Variants in GALK2 observed in about 807,000 individuals in gnomAD.
GALK2 encodes the protein N-acetylgalactosamine kinase.
Under a neutral mutation model 52.4 loss-of-function variants are expected in GALK2, and 36 were observed. The ratio of observed to expected loss-of-function variants is 0.69; its 90% CI spans 0.53 to 0.91. The LOEUF (loss-of-function observed/expected upper bound fraction) is 0.91. Ranked by LOEUF, GALK2 falls within the 40% of genes least tolerant of loss-of-function variation. The probability of loss-of-function intolerance (pLI) is 0.00; values close to 1 mark genes in which losing one functional copy is unlikely to be tolerated. For synonymous variants in GALK2, 176 were observed against 199.1 expected (o/e 0.88, Z 0.98); for missense variants, 579 against 559.1 (o/e 1.04, Z -0.36).
At chr15:49,161,764 T>G (rs1438549105) in intron 1 of GALK2, 2 of 188,578 alleles carry the variant, frequency 1.1e-5, no homozygotes, top group South Asian at 1.2e-4. Context: ...TGTTGCCCAG[T>G]CTAGAGTGCA....
chr15:49,360,500 T>C, intron 3 of GALK2, among the ~76,000 whole-genome samples: 1 of 152,216 alleles, frequency 6.6e-6, no homozygotes, highest in Admixed American at 6.5e-5. Context: ...AAAAAAATTA[T>C]TAAATTTTTG....
Position 49,329,265 on chromosome 15 carries a change from T to A in GALK2, c.*1106T>A, listed in dbSNP as rs986661907. ...TATATCAAGAGTGGGCAGAAATGTTTGGCTGGTGATGGCAAATGACTGGCT... is the reference window on the plus strand; with the variant it reads ...TATATCAAGAGTGGGCAGAAATGTTAGGCTGGTGATGGCAAATGACTGGCT... On this transcript the variant is annotated 3_prime_UTR_variant, in exon 10 of 10. Transcript: ENST00000560031. The A allele has an allele frequency of 3.0e-6, 3 of 985,500 alleles. No individual in the cohort carries two copies. Among genetic ancestry groups the A allele is most frequent in the Admixed American group, 6.1e-5 (1 of 16,280 alleles). The allele number at this position is 985,500 out of a possible 1,614,324, so 61.0% of individuals were successfully genotyped here. A position where few individuals can be genotyped will look rare whatever the true frequency, so the allele number is the denominator to read the frequency against.
intron 3 of GALK2, chr15:49,353,693 C>A (rs1226436084): frequency 6.6e-6 from 1 of 151,286 alleles, no homozygotes; most frequent in Non-Finnish European, 1.5e-5. Flanking sequence ...TCACTTCGCC[C>A]AGAGTATTTT....
chr15:49,303,779 G>T (rs1312144606), intron 8 of GALK2, among the ~76,000 whole-genome samples: 1 of 152,088 alleles, frequency 6.6e-6, no homozygotes, highest in Non-Finnish European at 1.5e-5. Flanking sequence ...CATCTCCTCA[G>T]CCCCAGCTGC....
At chr15:49,207,210 T>C (rs1457512900) in intron 2 of GALK2, among the ~76,000 whole-genome samples, 1 of 152,228 alleles carries the variant, frequency 6.6e-6, no homozygotes, top group East Asian at 1.9e-4. Context: ...GTAGATTAAC[T>C]TTTTGATATA....
intron 3 of GALK2, among the ~76,000 whole-genome samples, chr15:49,219,275 A>T (rs1175026846): frequency 6.6e-6 from 1 of 152,176 alleles, no homozygotes; most frequent in East Asian, 1.9e-4. Flanking sequence ...TCTTGTGATA[A>T]TGAATAAGTC....
chr15:49,203,572 TTA>T (rs1273733504), intron 2 of GALK2, among the ~76,000 whole-genome samples: 2 of 152,212 alleles, frequency 1.3e-5, no homozygotes, highest in Non-Finnish European at 2.9e-5. Context: ...GCCTGTGCTT[TTA>T]TAGTCTTATT....
At chr15:49,296,246 A>G (rs2034467729) in intron 8 of GALK2, among the ~76,000 whole-genome samples, 1 of 152,160 alleles carries the variant, frequency 6.6e-6, no homozygotes, top group African/African-American at 2.4e-5. Flanking sequence ...TAGTATCCAA[A>G]GGGTAGTGTT....
intron 5 of GALK2, among the ~76,000 whole-genome samples, chr15:49,259,410 G>A (rs1354444781): frequency 2.0e-4 from 26 of 130,052 alleles, no homozygotes; most frequent in African/African-American, 7.3e-4. Flanking sequence ...TCATTGTTCA[G>A]TTCCCACCTA....
chr15:49,173,678 T>C (rs1595877481), intron 1 of GALK2, among the ~76,000 whole-genome samples: 1 of 152,190 alleles, frequency 6.6e-6, no homozygotes, highest in Admixed American at 6.5e-5. Context: ...TTTTACTTAC[T>C]TTTTTTCACT....
At chr15:49,362,083 T>G (rs2044338539) in intron 3 of GALK2, among the ~76,000 whole-genome samples, 1 of 152,116 alleles carries the variant, frequency 6.6e-6, no homozygotes, top group South Asian at 2.1e-4. Context: ...GCCCACTTCT[T>G]AATGGGTTTG....
chr15:49,296,843 C>A (rs2034526683), intron 8 of GALK2, among the ~76,000 whole-genome samples: 1 of 152,208 alleles, frequency 6.6e-6, no homozygotes, highest in Non-Finnish European at 1.5e-5. Context: ...TCGTGATTCA[C>A]CCGCCTTGGC....
chr15:49,262,984 T>G (rs2092196444), intron 5 of GALK2, among the ~76,000 whole-genome samples: 1 of 145,390 alleles, frequency 6.9e-6, no homozygotes, highest in Non-Finnish European at 1.5e-5. Flanking sequence ...GAGCTTTACT[T>G]CCAAGTATGT....
intron 1 of GALK2, chr15:49,177,751 A>T: frequency 1.2e-6 from 1 of 801,634 alleles, no homozygotes; most frequent in Non-Finnish European, 1.8e-6. Context: ...TTGCTTGTGG[A>T]CTGGTTTGGT....
intron 2 of GALK2, among the ~76,000 whole-genome samples, chr15:49,206,625 C>T (rs190308220): frequency 1.3e-3 from 197 of 151,720 alleles, no homozygotes; most frequent in African/African-American, 4.3e-3. Context: ...GGGTTGAGTT[C>T]TTCATTTGAT....
intron 1 of GALK2, chr15:49,199,177 A>G (rs1267092433): frequency 6.6e-6 from 1 of 152,156 alleles, no homozygotes; most frequent in Non-Finnish European, 1.5e-5. Flanking sequence ...AACTACAGGC[A>G]CACCCAGGGC....
chr15:49,330,256 A>AAGAT lies in GALK2; in HGVS notation c.*2098_*2101dup, dbSNP rs1189490356. On this transcript the variant is annotated 3_prime_UTR_variant, in exon 10 of 10. Transcript: ENST00000560031. ...TTTGCTTTGGTATGTAGTGAAGAAT[A>AAGAT]AGATTGACTACACTGGCTGGAGCTA... 6.6e-6 allele frequency: 1 copy of AAGAT among 152,248 alleles called. No homozygotes were observed. 9.4% of individuals were successfully genotyped at this position (152,248 alleles called of 1,614,324 possible).
At chr15:49,206,715 T>C (rs920308356) in intron 2 of GALK2, among the ~76,000 whole-genome samples, 1 of 152,210 alleles carries the variant, frequency 6.6e-6, no homozygotes, top group Non-Finnish European at 1.5e-5. Context: ...TGAATTCTTT[T>C]ATCAGTTCCA....
intron 8 of GALK2, among the ~76,000 whole-genome samples, chr15:49,311,746 A>G (rs2036005281): frequency 6.6e-6 from 1 of 152,240 alleles, no homozygotes; most frequent in Non-Finnish European, 1.5e-5. Context: ...AGCTTGTATG[A>G]GTGCCTCTTC....
Sources: gnomAD v4.1 joint callset for allele counts (sites outside exome capture counted in the v4.1 genomes callset) on GRCh38, gnomAD v4.1.1 for gene constraint, MANE v1.5 for transcripts, NCBI Gene and HGNC (gene_info 2026-07-23, HGNC 2026-07-21) for gene names.